The following RBFOX1 variants were observed in gnomAD, a reference collection of about 807,000 sequenced individuals.
RBFOX1 encodes RNA binding protein fox-1 homolog 1.
RBFOX1 carries 8 observed loss-of-function variants against 57.7 expected under a neutral mutation model. The ratio of observed to expected loss-of-function variants is 0.14; its 90% CI spans 0.08 to 0.25. The LOEUF (loss-of-function observed/expected upper bound fraction) is 0.25. Among genes scored for constraint, RBFOX1 ranks in the 10% least tolerant of loss-of-function variants. RBFOX1 has a pLI of 1.00. For missense variants in RBFOX1, 611 were observed against 548.5 expected, an observed-to-expected ratio of 1.11 and a Z score of -1.14; for synonymous variants, 326 against 222.4, an observed-to-expected ratio of 1.47 and a Z score of -4.15.
At chr16:7,657,387 C>G (rs866383110) in intron 12 of RBFOX1, among the ~76,000 whole-genome samples, 1 of 152,198 alleles carries the variant, frequency 6.6e-6, no homozygotes, top group African/African-American at 2.4e-5. Flanking sequence ...TCACTGCAAC[C>G]TCCACCTCCT....
intron 2 of RBFOX1, among the ~76,000 whole-genome samples, chr16:6,487,894 T>C (rs1369921535): frequency 6.6e-6 from 1 of 151,758 alleles, no homozygotes; most frequent in Non-Finnish European, 1.5e-5. Flanking sequence ...TACACACTAA[T>C]TAGTAGTCAA....
chr16:5,363,199 ATT>A (rs533158906), intron 1 of RBFOX1, among the ~76,000 whole-genome samples: 20 of 121,662 alleles, frequency 1.6e-4, no homozygotes, highest in South Asian at 2.7e-4. Flanking sequence ...GCCCCTGGCT[ATT>A]TTTTTTTTTT....
intron 3 of RBFOX1, among the ~76,000 whole-genome samples, chr16:5,834,776 TGATAGATAGATAGATAGATA>T (rs140249212): frequency 3.4e-5 from 5 of 147,674 alleles, no homozygotes; most frequent in African/African-American, 7.6e-5. Flanking sequence ...CATGCACAGA[TGATAGATAGATAGATAGATA>T]GATAGATAGA....
At chr16:6,161,095 G>T (rs2096875217) in intron 1 of RBFOX1, among the ~76,000 whole-genome samples, 1 of 152,082 alleles carries the variant, frequency 6.6e-6, no homozygotes, top group African/African-American at 2.4e-5. Context: ...AATAAATGGA[G>T]AAGTGATCAC....
intron 4 of RBFOX1, among the ~76,000 whole-genome samples, chr16:5,952,020 C>G (rs1262867261): frequency 4.7e-5 from 7 of 150,264 alleles, no homozygotes; most frequent in Non-Finnish European, 1.5e-5. Flanking sequence ...TATATATGCA[C>G]ACACACACAT....
intron 2 of RBFOX1, among the ~76,000 whole-genome samples, chr16:5,477,966 C>T (rs745607186): frequency 6.6e-6 from 1 of 152,162 alleles, no homozygotes; most frequent in African/African-American, 2.4e-5. Context: ...TTACGCATCA[C>T]CGTGGCCCAC....
At chr16:7,149,801 A>G (rs2075770348) in intron 4 of RBFOX1, among the ~76,000 whole-genome samples, 1 of 152,028 alleles carries the variant, frequency 6.6e-6, no homozygotes, top group Non-Finnish European at 1.5e-5. Context: ...AGTAATGTCT[A>G]GCCACATTGC....
downstream of RBFOX1, chr16:5,601,062 A>G (rs144434839): frequency 1.3e-5 from 2 of 152,344 alleles, no homozygotes; most frequent in East Asian, 1.9e-4. Context: ...TTTTGGATAG[A>G]TGGAAAAATG....
At chr16:6,820,982 T>C (rs948716199) in intron 3 of RBFOX1, among the ~76,000 whole-genome samples, 2 of 152,238 alleles carry the variant, frequency 1.3e-5, no homozygotes, top group African/African-American at 4.8e-5. Context: ...ATGTGTTATA[T>C]ACAGTTACTT....
intron 10 of RBFOX1, among the ~76,000 whole-genome samples, chr16:7,620,916 G>A (rs2059213955): frequency 6.6e-6 from 1 of 152,030 alleles, no homozygotes; most frequent in East Asian, 1.9e-4. Flanking sequence ...TGAAACCTAG[G>A]GCCACCTTAA....
chr16:5,311,514 C>A (rs2064088861), intron 1 of RBFOX1, among the ~76,000 whole-genome samples: 1 of 152,202 alleles, frequency 6.6e-6, no homozygotes, highest in Non-Finnish European at 1.5e-5. Flanking sequence ...TACTTTCCCA[C>A]CAGCAGTGTA....
intron 1 of RBFOX1, among the ~76,000 whole-genome samples, chr16:5,328,887 C>A (rs1242840525): frequency 2.0e-5 from 3 of 152,224 alleles, no homozygotes; most frequent in African/African-American, 7.2e-5. Flanking sequence ...TGCCTTGATT[C>A]CGGGTCCTAC....
intron 3 of RBFOX1, among the ~76,000 whole-genome samples, chr16:6,716,215 T>C (rs1157994770): frequency 6.6e-6 from 1 of 152,248 alleles, no homozygotes; most frequent in Non-Finnish European, 1.5e-5. Flanking sequence ...ACAAAAATGA[T>C]GCAAGAAATT....
Position 6,811,405 on chromosome 16 carries a change from A to G in RBFOX1, c.-16+156755A>G, listed in dbSNP as rs1040476850. On this transcript the variant is annotated intron_variant, in intron 3 of 15. Coordinates refer to ENST00000550418, the MANE Select transcript of RBFOX1 (RefSeq NM_018723.4). The stretch of plus-strand genomic sequence containing the variant: ...TTAGCTTTTAGCTAGATAACATTGA[A>G]TATTTTAATGTTTCATTGGCTATTA... 2.6e-5 allele frequency among the ~76,000 whole-genome samples: 4 copies of G among 152,236 alleles called. No homozygotes were observed. The South Asian group carries it at 8.3e-4, about 32-fold the overall frequency.
At chr16:5,935,533 C>T (rs756460608) in intron 4 of RBFOX1, among the ~76,000 whole-genome samples, 1 of 152,064 alleles carries the variant, frequency 6.6e-6, no homozygotes, top group Non-Finnish European at 1.5e-5. Flanking sequence ...TGGACAGTGG[C>T]CTGGAGTGTG....
intron 4 of RBFOX1, among the ~76,000 whole-genome samples, chr16:7,258,262 A>C (rs2094776531): frequency 6.6e-6 from 1 of 152,190 alleles, no homozygotes; most frequent in African/African-American, 2.4e-5. Flanking sequence ...TGTCCTTCTT[A>C]TTAATTATTC....
intron 1 of RBFOX1, among the ~76,000 whole-genome samples, chr16:5,267,195 G>A (rs1379555461): frequency 6.6e-6 from 1 of 152,094 alleles, no homozygotes; most frequent in African/African-American, 2.4e-5. Context: ...CTTTCCAAAT[G>A]GACTTTGCTA....
At chr16:6,344,549 C>T (rs999573607) in intron 2 of RBFOX1, among the ~76,000 whole-genome samples, 1 of 151,290 alleles carries the variant, frequency 6.6e-6, no homozygotes, top group African/African-American at 2.4e-5. Flanking sequence ...AGGTACCCAC[C>T]ACTGCGCCCG....
At chr16:5,375,982 C>T (rs544940813) in intron 1 of RBFOX1, among the ~76,000 whole-genome samples, 8 of 152,084 alleles carry the variant, frequency 5.3e-5, no homozygotes, top group African/African-American at 1.7e-4. Context: ...GCCTGGCCAA[C>T]GTGGCAAAAC....
Sources: gnomAD v4.1 joint callset for allele counts (sites outside exome capture counted in the v4.1 genomes callset) on GRCh38, gnomAD v4.1.1 for gene constraint, MANE v1.5 for transcripts, NCBI Gene and HGNC (gene_info 2026-07-23, HGNC 2026-07-21) for gene names.